The following ESR1 variants were observed in gnomAD, a reference collection of about 807,000 sequenced individuals.
The protein encoded by ESR1 is estrogen receptor.
A neutral mutation model predicts 52.7 loss-of-function variants in ESR1; 12 were observed. The observed-to-expected ratio is 0.23, with a 90% confidence interval of 0.15 to 0.37. The LOEUF (loss-of-function observed/expected upper bound fraction) is 0.37. Ranked by LOEUF, ESR1 falls within the 10% of genes least tolerant of loss-of-function variation. ESR1 has a pLI of 1.00. For missense variants in ESR1, 584 were observed against 779.7 expected, an observed-to-expected ratio of 0.75 and a Z score of 2.99; for synonymous variants, 305 against 316.8, an observed-to-expected ratio of 0.96 and a Z score of 0.39.
intron 2 of ESR1, among the ~76,000 whole-genome samples, chr6:151,784,895 G>T (rs1786875853): frequency 6.6e-6 from 1 of 152,234 alleles, no homozygotes; most frequent in South Asian, 2.1e-4. Context: ...GAGCAGGCCA[G>T]CAGGCTGGAA....
chr6:152,102,845 G>A lies in ESR1; in HGVS notation c.*3879G>A, dbSNP rs1471966128. 4.4e-6 allele frequency: 1 copy of A among 226,492 alleles called. No homozygotes were observed. The highest frequency in any genetic ancestry group is 8.8e-6 in the Non-Finnish European group (1 of 113,674). The allele number at this position is 226,492 out of a possible 1,614,324, so 14.0% of individuals were successfully genotyped here. A position where few individuals can be genotyped will look rare whatever the true frequency, so the allele number is the denominator to read the frequency against. On this transcript the variant is annotated 3_prime_UTR_variant, in exon 8 of 8. Transcript: ENST00000206249. Reference sequence around the variant, plus strand: ...CATGTTCCAAACCCATCGTCAGTGTGTGTGTTTAGAGCTGTGCACCCTAGA... The same window carrying A: ...CATGTTCCAAACCCATCGTCAGTGTATGTGTTTAGAGCTGTGCACCCTAGA...
intron 4 of ESR1, among the ~76,000 whole-genome samples, chr6:151,992,275 A>T (rs1244135414): frequency 1.3e-5 from 2 of 152,074 alleles, no homozygotes; most frequent in African/African-American, 2.4e-5. Context: ...GAACTTTCTC[A>T]TCATCCCAGG....
chr6:151,786,304 C>T lies in ESR1; in HGVS notation c.-70-21539C>T, dbSNP rs80235588. On this transcript the variant is annotated intron_variant, in intron 2 of 2. Coordinates refer to the ESR1 transcript ENST00000404742. ...AGGTCTTTGCAACTGCTGCGAGCCT[C>T]CTGGCACCTCTACCCTCTAGCGAGA... Among the ~76,000 whole-genome samples, 483 of 152,304 alleles carry T rather than the reference C, an allele frequency of 3.2e-3. 4 individuals carry two copies. Among genetic ancestry groups the T allele is most frequent in the African/African-American group, 0.011 (455 of 41,566 alleles).
At chr6:151,724,605 C>A (rs79781733) in intron 2 of ESR1, among the ~76,000 whole-genome samples, 2 of 149,218 alleles carry the variant, frequency 1.3e-5, no homozygotes, top group African/African-American at 4.9e-5. Flanking sequence ...CACACACACA[C>A]ACTTACTTCA....
chr6:152,037,078 C>T (rs2045370006), intron 5 of ESR1, among the ~76,000 whole-genome samples: 1 of 152,196 alleles, frequency 6.6e-6, no homozygotes, highest in Admixed American at 6.5e-5. Context: ...GATTATACTT[C>T]AGTCCCTGCT....
intron 6 of ESR1, among the ~76,000 whole-genome samples, chr6:152,065,384 C>T (rs1362134365): frequency 6.6e-6 from 1 of 152,186 alleles, no homozygotes; most frequent in African/African-American, 2.4e-5. Context: ...CTCATAACCC[C>T]TGAGAATCCA....
At chr6:152,019,728 C>G (rs2043467203) in intron 5 of ESR1, among the ~76,000 whole-genome samples, 1 of 152,132 alleles carries the variant, frequency 6.6e-6, no homozygotes. Flanking sequence ...CAGGGACCGT[C>G]AAGTAATTCC....
intron 2 of ESR1, among the ~76,000 whole-genome samples, chr6:151,736,798 G>A (rs1030388912): frequency 5.3e-5 from 8 of 152,134 alleles, no homozygotes; most frequent in Non-Finnish European, 7.3e-5. Context: ...GACTGGGGCA[G>A]AGAGAGGCTC....
At chr6:152,020,870 G>A (rs1032528703) in intron 5 of ESR1, among the ~76,000 whole-genome samples, 1 of 152,072 alleles carries the variant, frequency 6.6e-6, no homozygotes, top group African/African-American at 2.4e-5. Context: ...CATGCTATGT[G>A]CCCTTAATGA....
At chr6:151,971,231 A>G (rs2982739) in intron 4 of ESR1, among the ~76,000 whole-genome samples, 119,919 of 151,784 alleles carry the variant, frequency 0.79, 47,725 homozygotes, top group Middle Eastern at 0.88. Flanking sequence ...GGAACAGGTG[A>G]TGTTTGGTTA....
At chr6:152,009,909 A>G (rs1161433088) in intron 4 of ESR1, among the ~76,000 whole-genome samples, 1 of 152,178 alleles carries the variant, frequency 6.6e-6, no homozygotes, top group Non-Finnish European at 1.5e-5. Flanking sequence ...GAATAGAAAG[A>G]ATCAACTGTT....
chr6:152,075,264 T>A (rs1398318490), intron 6 of ESR1, among the ~76,000 whole-genome samples: 7 of 152,210 alleles, frequency 4.6e-5, no homozygotes, highest in Non-Finnish European at 1.0e-4. Context: ...AGGTTCACCT[T>A]TTTATTTGTT....
chr6:151,793,049 C>T (rs1164467843), intron 2 of ESR1, among the ~76,000 whole-genome samples: 6 of 151,740 alleles, frequency 4.0e-5, no homozygotes, highest in African/African-American at 1.5e-4. Flanking sequence ...TGTGCACCTG[C>T]AGTCCCAGCT....
chr6:151,740,325 AG>A (rs1318748613), intron 2 of ESR1, among the ~76,000 whole-genome samples: 1 of 132,768 alleles, frequency 7.5e-6, no homozygotes, highest in Non-Finnish European at 1.6e-5. Context: ...TAGTATATAC[AG>A]GTTTTTCTCA....
intron 5 of ESR1, among the ~76,000 whole-genome samples, chr6:152,012,260 T>G (rs985556256): frequency 3.3e-5 from 5 of 152,088 alleles, no homozygotes; most frequent in African/African-American, 7.2e-5. Context: ...GAAGGTCACA[T>G]TCAGGTCGAC....
chr6:151,848,615 C>T (rs187429391), intron 2 of ESR1, among the ~76,000 whole-genome samples: 71 of 152,098 alleles, frequency 4.7e-4, no homozygotes, highest in African/African-American at 1.6e-3. Context: ...TTGATGTATG[C>T]CCCTATGTCT....
At position 152,094,318 on chromosome 6, in the gene ESR1, C is replaced by T. The variant is rs1257092137; in HGVS notation, c.1370-67C>T. On this transcript the variant is annotated intron_variant, in intron 6 of 7. Transcript: ENST00000206249. This position sits in a 1 kb window ranked among gnomAD's most constrained non-coding sequence, Gnocchi z 4.6. ...CTGGCTCATTGTTACATCCCATGAACACTCTGGGTCTCCTAGACCTCATCC... is the reference window on the plus strand; with the variant it reads ...CTGGCTCATTGTTACATCCCATGAATACTCTGGGTCTCCTAGACCTCATCC... The T allele has an allele frequency of 2.2e-6, 3 of 1,381,376 alleles. No homozygotes were observed. The East Asian group carries it at 6.8e-5, about 32-fold the overall frequency. The allele number at this position is 1,381,376 out of a possible 1,614,324, so 85.6% of individuals were successfully genotyped here.
intron 1 of ESR1, among the ~76,000 whole-genome samples, chr6:151,701,116 A>G (rs1779742914): frequency 6.6e-6 from 1 of 152,174 alleles, no homozygotes; most frequent in Non-Finnish European, 1.5e-5. Context: ...CCATGTAACA[A>G]CGTCTGAATC....
chr6:152,067,900 T>C (rs1228451338), intron 6 of ESR1, among the ~76,000 whole-genome samples: 1 of 152,232 alleles, frequency 6.6e-6, no homozygotes, highest in East Asian at 1.9e-4. Flanking sequence ...GTTCTTAGTA[T>C]GCCAATGTTG....
Sources: gnomAD v4.1 joint callset for allele counts (sites outside exome capture counted in the v4.1 genomes callset) on GRCh38, gnomAD v4.1.1 for gene constraint, Gnocchi (gnomAD v3.1) non-coding constraint, MANE v1.5 for transcripts, NCBI Gene and HGNC (gene_info 2026-07-23, HGNC 2026-07-21) for gene names.